The following TSEN15 variants were observed in gnomAD, a reference collection of about 807,000 sequenced individuals.
The protein encoded by TSEN15 is tRNA splicing endonuclease subunit 15, also known as tRNA-splicing endonuclease subunit Sen15.
In TSEN15, 10 loss-of-function variants were observed where a neutral mutation model predicts 20.5. The ratio of observed to expected loss-of-function variants is 0.49; its 90% CI spans 0.30 to 0.83. The LOEUF is 0.83. Among genes scored for constraint, TSEN15 ranks in the 40% least tolerant of loss-of-function variants. The probability of loss-of-function intolerance (pLI) is 0.06; values close to 1 mark genes in which losing one functional copy is unlikely to be tolerated. For missense variants in TSEN15, 180 were observed against 218.6 expected (o/e 0.82, Z 1.11); for synonymous variants, 72 against 80.1 (o/e 0.90, Z 0.54).
intron 3 of TSEN15, among the ~76,000 whole-genome samples, chr1:184,061,536 TC>T (rs1257997677): frequency 6.6e-6 from 1 of 152,180 alleles, no homozygotes; most frequent in Non-Finnish European, 1.5e-5. Context: ...TGAACCAAAC[TC>T]TGTCATTTAC....
rs1347711074 is a variant in TSEN15 at position 184,073,216 on chromosome 1, T to G, written c.*369T>G. The G allele has an allele frequency of 5.2e-6, 1 of 192,726 alleles. No homozygotes were observed. The highest frequency in any genetic ancestry group is 1.0e-5 in the Non-Finnish European group (1 of 95,940). The allele number at this position is 192,726 out of a possible 1,614,324, so 11.9% of individuals were successfully genotyped here. A position where few individuals can be genotyped will look rare whatever the true frequency, so the allele number is the denominator to read the frequency against. On this transcript the variant is annotated 3_prime_UTR_variant, in exon 5 of 5. Coordinates refer to ENST00000645668, the MANE Select transcript of TSEN15 (RefSeq NM_052965.4). ...AGCTCATTGTTGAGACTGCCATTTC[T>G]TTCTCTTACTCAGCTCTCCCCAGTG...
At chr1:184,081,673 A>G (rs1409183994) in intron 3 of TSEN15, among the ~76,000 whole-genome samples, 1 of 152,128 alleles carries the variant, frequency 6.6e-6, no homozygotes, top group Non-Finnish European at 1.5e-5. Flanking sequence ...ACCTCAAACT[A>G]TTGAGTCCCG....
At chr1:184,063,750 AT>A (rs1472783419) in intron 3 of TSEN15, among the ~76,000 whole-genome samples, 2 of 152,298 alleles carry the variant, frequency 1.3e-5, no homozygotes, top group Admixed American at 6.5e-5. Context: ...AACCCAGATA[AT>A]ATAAATGGAC....
intron 3 of TSEN15, chr1:184,093,814 A>C (rs1179874892): frequency 2.0e-5 from 3 of 152,176 alleles, no homozygotes; most frequent in Non-Finnish European, 4.4e-5. Flanking sequence ...TGTGATATTG[A>C]GCCAATTGCT....
intron 3 of TSEN15, among the ~76,000 whole-genome samples, chr1:184,083,980 A>C (rs1329586616): frequency 3.3e-5 from 5 of 152,158 alleles, no homozygotes; most frequent in Non-Finnish European, 5.9e-5. Flanking sequence ...TTAATCCACC[A>C]TTAGAATTGT....
chr1:184,087,775 G>T (rs886092500), intron 3 of TSEN15, among the ~76,000 whole-genome samples: 1 of 152,228 alleles, frequency 6.6e-6, no homozygotes, highest in African/African-American at 2.4e-5. Flanking sequence ...CACTTAGAAT[G>T]ATTCCAAGGC....
chr1:184,067,713 T>A (rs1180690717), intron 3 of TSEN15, among the ~76,000 whole-genome samples: 1 of 151,314 alleles, frequency 6.6e-6, no homozygotes, highest in Non-Finnish European at 1.5e-5. Flanking sequence ...AGGTCAGGAG[T>A]TTGATACCAG....
intron 3 of TSEN15, among the ~76,000 whole-genome samples, chr1:184,061,356 T>A (rs1347147919): frequency 1.3e-5 from 2 of 152,074 alleles, no homozygotes; most frequent in Admixed American, 1.3e-4. Context: ...TAAATAACAT[T>A]TTTATTAGTA....
intron 3 of TSEN15, among the ~76,000 whole-genome samples, chr1:184,057,061 G>A (rs1650274649): frequency 6.6e-6 from 1 of 152,054 alleles, no homozygotes; most frequent in South Asian, 2.1e-4. Flanking sequence ...ATAAAATTTG[G>A]CAAAAATGAT....
intron 3 of TSEN15, chr1:184,095,554 G>A (rs967112960): frequency 2.5e-6 from 1 of 394,074 alleles, no homozygotes; most frequent in South Asian, 1.4e-4. Context: ...TGAGAGTGGG[G>A]CCTTAATCCA....
chr1:184,083,472 A>AT (rs967896129), intron 3 of TSEN15, among the ~76,000 whole-genome samples: 114 of 152,256 alleles, frequency 7.5e-4, no homozygotes, highest in African/African-American at 2.5e-3. Flanking sequence ...TTTATTCAAC[A>AT]TTTTTTGGGG....
intron 3 of TSEN15, among the ~76,000 whole-genome samples, chr1:184,090,785 T>C (rs1651343006): frequency 6.6e-6 from 1 of 152,176 alleles, no homozygotes; most frequent in African/African-American, 2.4e-5. Context: ...AGGTGTTCCA[T>C]CTCTGATCCT....
rs1293785804 is a variant in TSEN15 at position 184,054,842 on chromosome 1, C to T, written c.332C>T (p.Thr111Ile). Reference sequence around the variant, plus strand: ...CAGACTGTGGTGCCTACCCCCATCACTGCTTCCCTCAGCCATAACAGGTGA... The same window carrying T: ...CAGACTGTGGTGCCTACCCCCATCATTGCTTCCCTCAGCCATAACAGGTGA... ...GLQTVVPTPI[T>I]ASLSHNRIRE... The change falls in exon 3 of 5, where the codon ACT becomes ATT. Residue 111 changes from threonine to isoleucine, a missense_variant. Physicochemically the swap from Thr to Ile is moderately conservative, Grantham distance 89 (BLOSUM62 -1). Coordinates refer to ENST00000645668, the MANE Select transcript of TSEN15 (RefSeq NM_052965.4). 6.2e-7 allele frequency: 1 copy of T among 1,611,126 alleles called. No homozygotes were observed. The highest frequency in any genetic ancestry group is 8.5e-7 in the Non-Finnish European group (1 of 1,178,668).
chr1:184,087,047 A>G (rs765963335), intron 3 of TSEN15, among the ~76,000 whole-genome samples: 3 of 152,180 alleles, frequency 2.0e-5, no homozygotes, highest in South Asian at 2.1e-4. Context: ...ACTATGGATT[A>G]CTGTAGGAAA....
chr1:184,075,910 A>ATATATATTT (rs760409158), downstream of TSEN15, among the ~76,000 whole-genome samples: 39 of 123,750 alleles, frequency 3.2e-4, no homozygotes, highest in African/African-American at 1.1e-3. Context: ...ATATATATAT[A>ATATATATTT]TTTTTTTTTT....
At chr1:184,067,941 A>AAATATATAT (rs1400681024) in intron 3 of TSEN15, among the ~76,000 whole-genome samples, 2 of 95,600 alleles carry the variant, frequency 2.1e-5, no homozygotes, top group African/African-American at 8.4e-5. Flanking sequence ...AAAAAAAAAA[A>AAATATATAT]ATATATATAT....
chr1:184,071,829 T>G (rs1650894094), intron 3 of TSEN15, among the ~76,000 whole-genome samples: 1 of 152,054 alleles, frequency 6.6e-6, no homozygotes. Flanking sequence ...GGGCAGAGAT[T>G]GTCAGATTGG....
intron 3 of TSEN15, among the ~76,000 whole-genome samples, chr1:184,085,194 A>G (rs921873647): frequency 2.6e-5 from 4 of 152,186 alleles, no homozygotes; most frequent in Non-Finnish European, 5.9e-5. Flanking sequence ...AGTTCTCTCT[A>G]AAAGAGAAGG....
In TSEN15 at chr1:184,072,993, T is replaced by A; in HGVS notation, c.*146T>A. 1.4e-6 allele frequency: 1 copy of A among 719,902 alleles called. No individual in the cohort carries two copies. The highest frequency in any genetic ancestry group is 2.3e-6 in the Non-Finnish European group (1 of 439,064). The allele number at this position is 719,902 out of a possible 1,614,324, so 44.6% of individuals were successfully genotyped here. A position where few individuals can be genotyped will look rare whatever the true frequency, so the allele number is the denominator to read the frequency against. ...TCCATAAGGTTTTCATTCTGAAGAG[T>A]AAAACTTCCCCAGGTAGAAGACTTT... On this transcript the variant is annotated 3_prime_UTR_variant, in exon 5 of 5. Transcript: ENST00000645668.
Sources: gnomAD v4.1 joint callset for allele counts (sites outside exome capture counted in the v4.1 genomes callset) on GRCh38, gnomAD v4.1.1 for gene constraint, MANE v1.5 for transcripts, NCBI Gene and HGNC (gene_info 2026-07-23, HGNC 2026-07-21) for gene names.